MLLT3: variants seen among roughly 807,000 people sequenced by gnomAD.
The protein encoded by MLLT3 is protein AF-9.
MLLT3 carries 4 observed loss-of-function variants against 53.2 expected under a neutral mutation model. The observed-to-expected ratio is 0.08, with a 90% CI of 0.04 to 0.17. The LOEUF is 0.17. Among genes scored for constraint, MLLT3 ranks in the 10% least tolerant of loss-of-function variants. The pLI, the probability that MLLT3 is intolerant of heterozygous loss-of-function variation, is 1.00. For synonymous variants in MLLT3, 283 were observed against 230.6 expected (o/e 1.23, Z -2.06); for missense variants, 569 against 684.0 (o/e 0.83, Z 1.87).
At chr9:20,481,705 AC>A (rs936111274) in intron 2 of MLLT3, among the ~76,000 whole-genome samples, 2 of 152,130 alleles carry the variant, frequency 1.3e-5, no homozygotes, top group Non-Finnish European at 2.9e-5. Context: ...ATGACATATC[AC>A]CAGTTAAAAC....
chr9:20,515,839 AG>A (rs1587013917), intron 2 of MLLT3, among the ~76,000 whole-genome samples: 1 of 152,126 alleles, frequency 6.6e-6, no homozygotes, highest in East Asian at 1.9e-4. Flanking sequence ...CCTTCCCCAA[AG>A]CTCAAGCACA....
chr9:20,390,270 C>T (rs16938051), intron 5 of MLLT3, among the ~76,000 whole-genome samples: 2,897 of 151,916 alleles, frequency 0.019, 62 homozygotes, highest in African/African-American at 0.062. Context: ...TAATTTTCCC[C>T]GAGATTGTAA....
At chr9:20,510,230 A>T (rs1825497930) in intron 2 of MLLT3, among the ~76,000 whole-genome samples, 1 of 152,226 alleles carries the variant, frequency 6.6e-6, no homozygotes, top group Non-Finnish European at 1.5e-5. Context: ...AAGGAAAAAA[A>T]TGAGCAATGA....
chr9:20,390,333 A>T (rs914468302), intron 5 of MLLT3, among the ~76,000 whole-genome samples: 1 of 152,154 alleles, frequency 6.6e-6, no homozygotes, highest in Non-Finnish European at 1.5e-5. Flanking sequence ...ATAGAATGAG[A>T]TCTACTACCG....
At chr9:20,526,145 A>AC (rs1818196514) in intron 2 of MLLT3, among the ~76,000 whole-genome samples, 1 of 152,266 alleles carries the variant, frequency 6.6e-6, no homozygotes, top group Admixed American at 6.5e-5. Flanking sequence ...ATGAGGTGCC[A>AC]AACACTCTGC....
rs558940371 is a variant in MLLT3, at chr9:20,364,445, A to C, written c.1202-840T>G. On this transcript the variant is annotated intron_variant, in intron 6 of 10. Coordinates refer to ENST00000380338, the MANE Select transcript of MLLT3 (RefSeq NM_004529.4). ...AATGTGATGAAAAATAGATAGTTTT[A>C]ATCTTAACAGAAGAGGTTATAAAGA... Among the ~76,000 whole-genome samples the C allele has an allele frequency of 3.9e-5, 6 of 152,364 alleles. 1 individual carries two copies. The East Asian group carries it at 1.2e-3, about 29-fold the overall frequency.
chr9:20,362,764 G>A (rs1056897244), intron 7 of MLLT3: 4 of 136,564 alleles, frequency 2.9e-5, no homozygotes, highest in African/African-American at 1.2e-4. Flanking sequence ...ATGGATAACA[G>A]GGAAAGATTT....
intron 2 of MLLT3, among the ~76,000 whole-genome samples, chr9:20,575,229 A>T (rs1032248123): frequency 3.9e-5 from 6 of 152,204 alleles, no homozygotes; most frequent in African/African-American, 1.2e-4. Flanking sequence ...CCTCCAATGA[A>T]TCACAAATGT....
chr9:20,439,224 C>T (rs932782671), intron 4 of MLLT3, among the ~76,000 whole-genome samples: 1 of 151,912 alleles, frequency 6.6e-6, no homozygotes, highest in African/African-American at 2.4e-5. Flanking sequence ...GACGTGGTGG[C>T]GTACATCTGT....
intron 2 of MLLT3, among the ~76,000 whole-genome samples, chr9:20,596,926 G>C (rs375818050): frequency 1.3e-5 from 2 of 152,030 alleles, no homozygotes; most frequent in South Asian, 4.2e-4. Context: ...CATGAACATG[G>C]AATATTTTTT....
intron 2 of MLLT3, among the ~76,000 whole-genome samples, chr9:20,509,846 AGTATAATGATCAG>A (rs1301384802): frequency 6.6e-6 from 1 of 151,680 alleles, no homozygotes; most frequent in Non-Finnish European, 1.5e-5. Context: ...ATCAGAGCAC[AGTATAATGATCAG>A]GGTACAATTA....
At position 20,441,204 on chromosome 9, in the gene MLLT3, AG is replaced by A. The variant is rs1823542218; in HGVS notation, c.420+6918del. 7.2e-5 allele frequency among the ~76,000 whole-genome samples: 11 copies of A among 152,260 alleles called. 1 individual carries two copies. In the South Asian group the frequency reaches 2.3e-3, roughly 32 times the overall value. On this transcript the variant is annotated intron_variant, in intron 4 of 10. Transcript: ENST00000380338. Reference sequence around the variant, plus strand: ...AAGGTAAACAGGTAGTTGGGAAGGAAGGAACAAATGAAGACACGAAAGTTGT... The same window carrying A: ...AAGGTAAACAGGTAGTTGGGAAGGAAGAACAAATGAAGACACGAAAGTTGT...
chr9:20,607,066 T>C (rs150094814), intron 2 of MLLT3, among the ~76,000 whole-genome samples: 1 of 152,192 alleles, frequency 6.6e-6, no homozygotes, highest in African/African-American at 2.4e-5. Flanking sequence ...TTGTACACTA[T>C]CGTCATCTAC....
At chr9:20,496,309 A>G (rs1356171630) in intron 2 of MLLT3, among the ~76,000 whole-genome samples, 1 of 152,200 alleles carries the variant, frequency 6.6e-6, no homozygotes, top group Admixed American at 6.5e-5. Context: ...TGTGTTGAAA[A>G]GGTGTTTATG....
intron 2 of MLLT3, among the ~76,000 whole-genome samples, chr9:20,508,111 C>T (rs760891003): frequency 2.6e-5 from 4 of 152,144 alleles, no homozygotes; most frequent in Admixed American, 6.5e-5. Context: ...TAACCAGAAT[C>T]ACAGATTTTG....
At chr9:20,564,580 A>G (rs1317228457) in intron 2 of MLLT3, among the ~76,000 whole-genome samples, 1 of 152,214 alleles carries the variant, frequency 6.6e-6, no homozygotes, top group Non-Finnish European at 1.5e-5. Flanking sequence ...AAAGCTAGCT[A>G]TAGTCTCAGG....
intron 3 of MLLT3, among the ~76,000 whole-genome samples, chr9:20,455,266 T>C (rs1036402397): frequency 2.0e-5 from 3 of 152,140 alleles, no homozygotes; most frequent in Non-Finnish European, 4.4e-5. Flanking sequence ...GGCACAGAAA[T>C]TAGGAGCATA....
rs1820870107 is a variant in MLLT3 at position 20,346,403 on chromosome 9, AAAAACAC to A, written c.*33_*39del. On this transcript the variant is annotated 3_prime_UTR_variant, in exon 11 of 11. Coordinates refer to ENST00000380338, the MANE Select transcript of MLLT3 (RefSeq NM_004529.4). ...CCAAAAAAAAAAAAAACCAAAAAAA[AAAAACAC>A]AATAGTTCTTGATGCATCCAGTTGT... 3.4e-6 allele frequency: 5 copies of A among 1,462,320 alleles called. No homozygotes were observed. Among genetic ancestry groups the A allele is most frequent in the Admixed American group, 5.1e-5 (2 of 39,266 alleles). 90.6% of individuals were successfully genotyped at this position (1,462,320 alleles called of 1,614,324 possible).
At chr9:20,566,762 T>C (rs537858925) in intron 2 of MLLT3, among the ~76,000 whole-genome samples, 1 of 152,074 alleles carries the variant, frequency 6.6e-6, no homozygotes, top group Non-Finnish European at 1.5e-5. Flanking sequence ...TCCTTACATA[T>C]GCTTGTGCCC....
Sources: gnomAD v4.1 joint callset for allele counts (sites outside exome capture counted in the v4.1 genomes callset) on GRCh38, gnomAD v4.1.1 for gene constraint, MANE v1.5 for transcripts, NCBI Gene and HGNC (gene_info 2026-07-23, HGNC 2026-07-21) for gene names.